The following ROBO2 variants were observed in gnomAD, a reference collection of about 807,000 sequenced individuals.
ROBO2 encodes the protein roundabout homolog 2.
Under a neutral mutation model 160.8 loss-of-function variants are expected in ROBO2, and 53 were observed. The observed-to-expected ratio is 0.33, with a 90% CI of 0.26 to 0.41. ROBO2 has a LOEUF of 0.41. Ranked by LOEUF, ROBO2 falls within the 10% of genes least tolerant of loss-of-function variation. ROBO2 has a pLI of 1.00. For missense variants in ROBO2, 1,577 were observed against 1,722.4 expected (o/e 0.92, Z 1.49); for synonymous variants, 664 against 611.7 (o/e 1.09, Z -1.26).
intron 2 of ROBO2, among the ~76,000 whole-genome samples, chr3:76,713,257 T>C (rs1332032161): frequency 6.6e-6 from 1 of 152,228 alleles, no homozygotes; most frequent in Non-Finnish European, 1.5e-5. Context: ...TTTAAATTTG[T>C]TTATTTTAAT....
chr3:76,938,139 A>C (rs2077848635), intron 2 of ROBO2, among the ~76,000 whole-genome samples: 1 of 151,924 alleles, frequency 6.6e-6, no homozygotes, highest in Non-Finnish European at 1.5e-5. Context: ...CGGGCAGATC[A>C]CGAGGTTAAG....
chr3:77,486,458 C>G (rs573495171), intron 4 of ROBO2, among the ~76,000 whole-genome samples: 2 of 152,282 alleles, frequency 1.3e-5, no homozygotes, highest in Non-Finnish European at 2.9e-5. Context: ...AATTGCCATT[C>G]TGACTGGCAT....
chr3:76,728,582 G>A (rs535204564), intron 2 of ROBO2, among the ~76,000 whole-genome samples: 2 of 152,202 alleles, frequency 1.3e-5, no homozygotes, highest in South Asian at 4.2e-4. Flanking sequence ...AGTTTTCACT[G>A]AGAACCATGA....
At chr3:77,543,238 T>C (rs1440542005) in intron 6 of ROBO2, among the ~76,000 whole-genome samples, 1 of 152,198 alleles carries the variant, frequency 6.6e-6, no homozygotes, top group East Asian at 1.9e-4. Context: ...CTGTTTTCAT[T>C]GAAAAAAATC....
At chr3:77,226,749 T>G (rs559904501) in intron 2 of ROBO2, among the ~76,000 whole-genome samples, 4 of 152,252 alleles carry the variant, frequency 2.6e-5, no homozygotes, top group Admixed American at 2.6e-4. Context: ...TAGCCTGCAG[T>G]TGGGCAAAAT....
At chr3:76,127,291 T>G (rs924595014) in intron 2 of ROBO2, among the ~76,000 whole-genome samples, 2 of 152,104 alleles carry the variant, frequency 1.3e-5, no homozygotes, top group Non-Finnish European at 2.9e-5. Flanking sequence ...TTTCACAAAG[T>G]TGTGTTCCTT....
chr3:77,558,131 G>T (rs1202599671), exon 9 of ROBO2: 1 of 1,612,862 alleles, frequency 6.2e-7, no homozygotes, highest in Non-Finnish European at 8.5e-7. Context: ...AAGGCACACT[G>T]CAGATTAAGA....
chr3:77,601,709 A>G (rs770984785), intron 19 of ROBO2, among the ~76,000 whole-genome samples: 5 of 152,238 alleles, frequency 3.3e-5, no homozygotes, highest in Non-Finnish European at 5.9e-5. Flanking sequence ...AAATCACACA[A>G]TAAGTGGCAA....
At chr3:76,243,185 T>C (rs533456647) in intron 2 of ROBO2, among the ~76,000 whole-genome samples, 10 of 152,182 alleles carry the variant, frequency 6.6e-5, no homozygotes, top group Non-Finnish European at 1.2e-4. Context: ...GACTTTGGTA[T>C]CCTCTCGCGG....
chr3:76,910,725 C>CAAAAAAA (rs10662303), intron 2 of ROBO2, among the ~76,000 whole-genome samples: 3 of 35,484 alleles, frequency 8.5e-5, no homozygotes, highest in East Asian at 1.0e-3. Flanking sequence ...AACTCTGTCT[C>CAAAAAAA]AAAAAAAAAA....
At chr3:76,624,400 T>C (rs944971307) in intron 2 of ROBO2, among the ~76,000 whole-genome samples, 7 of 152,188 alleles carry the variant, frequency 4.6e-5, no homozygotes, top group Admixed American at 1.3e-4. Context: ...AAGGTGCTTA[T>C]AGAGCCAGGC....
At chr3:76,408,189 G>T (rs781683038) in intron 2 of ROBO2, among the ~76,000 whole-genome samples, 1 of 152,046 alleles carries the variant, frequency 6.6e-6, no homozygotes, top group Non-Finnish European at 1.5e-5. Context: ...TCAACATTTT[G>T]CTTAATTCAG....
intron 2 of ROBO2, among the ~76,000 whole-genome samples, chr3:77,342,069 T>G (rs1007838586): frequency 2.0e-5 from 3 of 152,138 alleles, no homozygotes; most frequent in African/African-American, 7.2e-5. Context: ...GTGTATTTGA[T>G]GTATAATGAC....
At chr3:77,271,120 G>A (rs1233564731) in intron 2 of ROBO2, among the ~76,000 whole-genome samples, 2 of 151,362 alleles carry the variant, frequency 1.3e-5, no homozygotes, top group Non-Finnish European at 2.9e-5. Flanking sequence ...TCATTATTTT[G>A]TATCTTCTAT....
In ROBO2 at chr3:77,219,434, GTATATATATATATA is replaced by G. The variant is rs369099644; in HGVS notation, c.388+121106_388+121119del. Among the ~76,000 whole-genome samples, 580 of 115,254 alleles carry G rather than the reference GTATATATATATATA, an allele frequency of 5.0e-3. 3 individuals carry two copies. Among genetic ancestry groups the G allele is most frequent in the Middle Eastern group, 0.025 (4 of 162 alleles). 75.6% of individuals were successfully genotyped at this position (115,254 alleles called of 152,430 possible). A position where few individuals can be genotyped will look rare whatever the true frequency, so the allele number is the denominator to read the frequency against. On this transcript the variant is annotated intron_variant, in intron 2 of 25. Transcript: ENST00000461745. Reference sequence around the variant, plus strand: ...TCATCTTGACTGTGTGTATGTGTGTGTATATATATATATATATATATATATGTATCTGTGTATAT... The same window carrying G: ...TCATCTTGACTGTGTGTATGTGTGTGTATATATATATGTATCTGTGTATAT...
chr3:77,211,561 A>G (rs1172637161), intron 2 of ROBO2, among the ~76,000 whole-genome samples: 1 of 152,196 alleles, frequency 6.6e-6, no homozygotes, highest in Non-Finnish European at 1.5e-5. Context: ...TTTGCTGTGC[A>G]GAAGCTCTTT....
intron 2 of ROBO2, among the ~76,000 whole-genome samples, chr3:75,943,982 C>T (rs73123297): frequency 1.1e-3 from 160 of 152,050 alleles, no homozygotes; most frequent in Middle Eastern, 3.4e-3. Context: ...ATTTCAAGTG[C>T]GAGCCACCAG....
At chr3:77,317,188 C>T (rs2064091359) in intron 2 of ROBO2, 1 of 883,124 alleles carries the variant, frequency 1.1e-6, no homozygotes, top group Admixed American at 1.7e-5. Flanking sequence ...CACTAGAGCA[C>T]CCCGGATGGA....
At chr3:76,901,256 C>T in intron 2 of ROBO2, among the ~76,000 whole-genome samples, 1 of 151,880 alleles carries the variant, frequency 6.6e-6, no homozygotes, top group African/African-American at 2.4e-5. Flanking sequence ...ACATATTTAA[C>T]TTTTAATTTT....
Sources: gnomAD v4.1 joint callset for allele counts (sites outside exome capture counted in the v4.1 genomes callset) on GRCh38, gnomAD v4.1.1 for gene constraint, MANE v1.5 for transcripts, NCBI Gene and HGNC (gene_info 2026-07-23, HGNC 2026-07-21) for gene names.